Variants in CPM observed in about 807,000 individuals in gnomAD.
CPM encodes the protein carboxypeptidase M.
In CPM, 35 loss-of-function variants were observed where a neutral mutation model predicts 46.4. That is an observed-to-expected ratio of 0.75 (90% CI 0.58 to 1.00). The LOEUF (loss-of-function observed/expected upper bound fraction) is 1.00, where lower values mean the gene tolerates loss of function less well. Ranked by LOEUF, CPM falls within the 50% of genes least tolerant of loss-of-function variation. The pLI is 0.00. For synonymous variants in CPM, 195 were observed against 195.3 expected (o/e 1.00, Z 0.01); for missense variants, 422 against 530.4 (o/e 0.80, Z 2.01).
chr12:68,843,822 T>C (rs1231312893), intron 5 of CPM: 1 of 219,726 alleles, frequency 4.6e-6, no homozygotes, highest in Non-Finnish European at 9.1e-6. Flanking sequence ...CAGAATCTCT[T>C]TTTTTTGGAG....
intron 2 of CPM, among the ~76,000 whole-genome samples, chr12:68,913,608 G>A (rs1887688143): frequency 6.6e-6 from 1 of 152,118 alleles, no homozygotes; most frequent in Non-Finnish European, 1.5e-5. Flanking sequence ...TGTAGTTGAT[G>A]GGGACTCAAG....
At chr12:68,865,179 C>T (rs1283508558) in intron 7 of CPM, among the ~76,000 whole-genome samples, 3 of 152,040 alleles carry the variant, frequency 2.0e-5, no homozygotes, top group African/African-American at 4.8e-5. Context: ...CCCAAGACAA[C>T]GTTTGATGAC....
intron 2 of CPM, among the ~76,000 whole-genome samples, chr12:68,929,572 T>C (rs774736058): frequency 2.0e-5 from 3 of 152,214 alleles, no homozygotes; most frequent in Admixed American, 6.5e-5. Context: ...TGGTCTACTA[T>C]GGCTGAAGCT....
intron 3 of CPM, among the ~76,000 whole-genome samples, chr12:68,880,812 T>C (rs1260051190): frequency 1.3e-5 from 2 of 151,942 alleles, no homozygotes; most frequent in African/African-American, 4.9e-5. Flanking sequence ...TTAGCTATTG[T>C]TATTATTTTC....
At chr12:68,935,766 G>A (rs1173560880), upstream of CPM, among the ~76,000 whole-genome samples, 1 of 152,074 alleles carries the variant, frequency 6.6e-6, no homozygotes, top group Admixed American at 6.6e-5. Flanking sequence ...AGCTTGAGAA[G>A]ATTAAATTTA....
chr12:68,925,320 T>C (rs1035936505), intron 2 of CPM, among the ~76,000 whole-genome samples: 4 of 152,186 alleles, frequency 2.6e-5, no homozygotes, highest in African/African-American at 9.7e-5. Flanking sequence ...AGCTTTTACA[T>C]AGCACTTACT....
At chr12:68,863,862 T>C (rs1315728202) in intron 7 of CPM, among the ~76,000 whole-genome samples, 1 of 152,192 alleles carries the variant, frequency 6.6e-6, no homozygotes, top group African/African-American at 2.4e-5. Context: ...CGAATATCAA[T>C]AATGTCTTTA....
At position 68,943,528 on chromosome 12, in the gene CPM, C is replaced by A. The variant is rs560772513; in HGVS notation, c.-3-10688G>T. Among the ~76,000 whole-genome samples the A allele has an allele frequency of 2.6e-5, 4 of 152,310 alleles. No individual in the cohort carries two copies. The South Asian group carries it at 8.3e-4, about 32-fold the overall frequency. ...TTGCAATAGTGGAATAGACCTTTAT[C>A]AACCATAAATTTGTGATAATTTACA... On this transcript the variant is annotated intron_variant, in intron 1 of 8. Coordinates refer to the CPM transcript ENST00000546373.
chr12:68,864,252 C>T (rs143537216), intron 7 of CPM, among the ~76,000 whole-genome samples: 1 of 152,174 alleles, frequency 6.6e-6, no homozygotes, highest in East Asian at 1.9e-4. Context: ...CAAGACCAGC[C>T]TGGGCAATAT....
In CPM at chr12:68,909,132, C is replaced by T. The variant is rs561817800; in HGVS notation, c.161-23243G>A. ...CTATAGTTCAGTGGTGGGACCATGG[C>T]CCTGGGTTCAAGCAATCATCCAGCC... On this transcript the variant is annotated intron_variant, in intron 2 of 8. Coordinates refer to ENST00000551568, the MANE Select transcript of CPM (RefSeq NM_198320.5). Among the ~76,000 whole-genome samples the T allele has an allele frequency of 4.1e-4, 62 of 152,238 alleles. No individual in the cohort carries two copies. In the South Asian group the frequency reaches 0.013, roughly 31 times the overall value.
At chr12:68,859,172 A>C (rs912901303) in intron 7 of CPM, 101 bp from the exon 8 acceptor site, 1 of 624,570 alleles carries the variant, frequency 1.6e-6, no homozygotes, top group African/African-American at 1.9e-5. Flanking sequence ...TTATTAGCTA[A>C]CTCAATGTTG....
intron 1 of CPM, among the ~76,000 whole-genome samples, chr12:68,939,816 T>C (rs962435841): frequency 5.3e-5 from 8 of 152,184 alleles, no homozygotes; most frequent in African/African-American, 1.9e-4. Flanking sequence ...TCATGATTAC[T>C]ATTATCTCTT....
chr12:68,876,251 A>G (rs985547708), intron 3 of CPM, among the ~76,000 whole-genome samples: 1 of 152,220 alleles, frequency 6.6e-6, no homozygotes, highest in Non-Finnish European at 1.5e-5. Flanking sequence ...AAAATAAGAT[A>G]AAGAACCAAC....
Position 68,903,467 on chromosome 12 carries a change from C to T in CPM, c.161-17578G>A, listed in dbSNP as rs527451973. 2.8e-3 allele frequency among the ~76,000 whole-genome samples: 429 copies of T among 152,342 alleles called. 2 individuals carry two copies. Among genetic ancestry groups the T allele is most frequent in the African/African-American group, 9.9e-3 (411 of 41,576 alleles). ...AGGTCAGAAAATCTCCCAAACCCAA[C>T]TCTTTGGCTTCGACAAACTGTATAA... On this transcript the variant is annotated intron_variant, in intron 2 of 8. Transcript: ENST00000551568.
At position 68,853,208 on chromosome 12, in the gene CPM, T is replaced by C. The variant is rs1452303045; in HGVS notation, c.*3229A>G. The C allele has an allele frequency of 6.6e-6, 1 of 152,206 alleles. No individual in the cohort carries two copies. Among genetic ancestry groups the C allele is most frequent in the Non-Finnish European group, 1.5e-5 (1 of 68,028 alleles). 9.4% of individuals were successfully genotyped at this position (152,206 alleles called of 1,614,324 possible). The stretch of plus-strand genomic sequence containing the variant: ...GTTCGTGTCTCTTCAAAAATTGCTA[T>C]CTTAGAAAAGTTAGAATTCAATGCC... On this transcript the variant is annotated 3_prime_UTR_variant, in exon 9 of 9. Coordinates refer to ENST00000551568, the MANE Select transcript of CPM (RefSeq NM_198320.5).
rs536893348 is a variant in CPM, at chr12:68,905,666, C to T, written c.161-19777G>A. Among the ~76,000 whole-genome samples the T allele has an allele frequency of 3.3e-5, 5 of 151,920 alleles. No homozygotes were observed. The South Asian group carries it at 8.4e-4, about 25-fold the overall frequency. ...AATCATGGATACATGTAAGATATAG[C>T]CTTGTTTCTTGGTGAGTAGGTCTAC... On this transcript the variant is annotated intron_variant, in intron 2 of 8. Transcript: ENST00000551568.
At chr12:68,953,300 G>A (rs1888964792) in intron 1 of CPM, among the ~76,000 whole-genome samples, 1 of 151,698 alleles carries the variant, frequency 6.6e-6, no homozygotes, top group African/African-American at 2.4e-5. Flanking sequence ...TCCTTTTGTG[G>A]TTAAAAATCT....
At chr12:68,862,002 G>GGGAAGTAATTGTTTTACCAGAA (rs1565766993) in intron 7 of CPM, among the ~76,000 whole-genome samples, 5 of 135,684 alleles carry the variant, frequency 3.7e-5, no homozygotes, top group Non-Finnish European at 6.3e-5. Context: ...CACTTTAATA[G>GGGAAGTAATTGTTTTACCAGAA]AACAGATTTG....
chr12:68,888,104 G>C lies in CPM; in HGVS notation c.161-2215C>G, dbSNP rs573104258. 5.3e-5 allele frequency among the ~76,000 whole-genome samples: 8 copies of C among 152,236 alleles called. No homozygotes were observed. The South Asian group carries it at 1.0e-3, about 20-fold the overall frequency. ...AAGTTTGTTTCTGAGGAATTCTTTTGTGTTAACTAATTATACAGAATATGA... is the reference window on the plus strand; with the variant it reads ...AAGTTTGTTTCTGAGGAATTCTTTTCTGTTAACTAATTATACAGAATATGA... On this transcript the variant is annotated intron_variant, in intron 2 of 8. Coordinates refer to ENST00000551568, the MANE Select transcript of CPM (RefSeq NM_198320.5).
Sources: gnomAD v4.1 joint callset for allele counts (sites outside exome capture counted in the v4.1 genomes callset) on GRCh38, gnomAD v4.1.1 for gene constraint, MANE v1.5 for transcripts, NCBI Gene and HGNC (gene_info 2026-07-23, HGNC 2026-07-21) for gene names.